Variants in SYNE1 observed in about 807,000 individuals in gnomAD.
SYNE1 encodes spectrin repeat containing nuclear envelope protein 1, also known as nesprin-1.
Under a neutral mutation model 1,111.0 loss-of-function variants are expected in SYNE1, and 616 were observed. The ratio of observed to expected loss-of-function variants is 0.55; its 90% CI spans 0.52 to 0.59. SYNE1 has a LOEUF of 0.59. SYNE1 is among the 20% of genes least tolerant of loss of function. The pLI, the probability that SYNE1 is intolerant of heterozygous loss-of-function variation, is 0.00. For missense variants in SYNE1, 10,006 were observed against 10,417.0 expected (o/e 0.96, Z 1.72); for synonymous variants, 3,855 against 3,825.8 (o/e 1.01, Z -0.28).
intron 56 of SYNE1, among the ~76,000 whole-genome samples, chr6:152,378,328 C>T (rs1429182545): frequency 6.6e-6 from 1 of 152,160 alleles, no homozygotes; most frequent in African/African-American, 2.4e-5. Flanking sequence ...AAAGAAACCA[C>T]ATCCCTCAAC....
chr6:152,586,005 C>G (rs975179028), intron 3 of SYNE1, among the ~76,000 whole-genome samples: 33 of 152,016 alleles, frequency 2.2e-4, no homozygotes, highest in African/African-American at 8.0e-4. Context: ...CTTCCCTATC[C>G]AAGAGTCTCC....
At position 152,257,855 on chromosome 6, in the gene SYNE1, C is replaced by A. The variant is rs148763569; in HGVS notation, c.18973-1090G>T. ...TAGCATAAAATACATCTAAATCATG[C>A]CAAAAAATTCCCTAAAATTAATAAA... On this transcript the variant is annotated intron_variant, in intron 101 of 145. Transcript: ENST00000367255. Among the ~76,000 whole-genome samples, 247 of 152,030 alleles carry A rather than the reference C, an allele frequency of 1.6e-3. 4 individuals carry two copies. The East Asian group carries it at 0.031, about 19-fold the overall frequency.
At chr6:152,317,725 T>C (rs2095767424) in intron 86 of SYNE1, among the ~76,000 whole-genome samples, 2 of 152,234 alleles carry the variant, frequency 1.3e-5, no homozygotes, top group Non-Finnish European at 2.9e-5. Context: ...TAAGCTGATA[T>C]ATATGTAGCT....
intron 51 of SYNE1, among the ~76,000 whole-genome samples, chr6:152,392,355 C>T (rs2154135662): frequency 6.6e-6 from 1 of 152,210 alleles, no homozygotes; most frequent in South Asian, 2.1e-4. Flanking sequence ...AGTTTGGAGC[C>T]ATGTTAATTA....
chr6:152,373,498 T>C lies in SYNE1; in HGVS notation c.9325-279A>G, dbSNP rs540339903. 3.5e-4 allele frequency among the ~76,000 whole-genome samples: 53 copies of C among 152,250 alleles called. 1 individual carries two copies. In the East Asian group the frequency reaches 8.3e-3, roughly 24 times the overall value. ...GGTTTCACCATGTTGGCCAGGATGG[T>C]CTTGATCTCCTGACCTTGTGATCTG... is the stretch of plus-strand genomic sequence containing the variant. On this transcript the variant is annotated intron_variant, in intron 58 of 145. Transcript: ENST00000367255.
At position 152,606,394 on chromosome 6, in the gene SYNE1, G is replaced by T. The variant is rs549370756; in HGVS notation, c.67+21871C>A. On this transcript the variant is annotated intron_variant, in intron 3 of 145. Transcript: ENST00000367255. Reference sequence around the variant, plus strand: ...CAAAATTCTTCAAGGGCAAAATTGTGGTTACAACTTGATCGTAACTTTACA... The same window carrying T: ...CAAAATTCTTCAAGGGCAAAATTGTTGTTACAACTTGATCGTAACTTTACA... Among the ~76,000 whole-genome samples the T allele has an allele frequency of 2.6e-5, 4 of 152,260 alleles. No individual in the cohort carries two copies. The South Asian group carries it at 8.3e-4, about 32-fold the overall frequency.
rs773536890 is a variant in SYNE1, at chr6:152,326,019, T to G, written c.15377A>C (p.Glu5126Ala). 2.2e-4 allele frequency: 358 copies of G among 1,614,056 alleles called. No individual in the cohort carries two copies. Among genetic ancestry groups the G allele is most frequent in the Non-Finnish European group, 2.9e-4 (340 of 1,180,034 alleles). Residue 5126 changes from glutamate (E) to alanine (A), a missense_variant, in exon 80 of 146, where the codon GAG becomes GCG. Coordinates refer to ENST00000367255, the MANE Select transcript of SYNE1 (RefSeq NM_182961.4). ...AGACGAAGTCTTCAACAAAGAAAAC[T>G]CAGACAATTTCTTTTCTGTATCATT... ...LMNDTEKKLS[E>A]FSLLKTSSSH... is the part of the protein sequence containing the mutation.
At chr6:152,472,607 A>G in intron 14 of SYNE1, 194 bp from the exon 15 acceptor site, 1 of 704,250 alleles carries the variant, frequency 1.4e-6, no homozygotes, top group Non-Finnish European at 2.6e-6. Context: ...TTAAAACACT[A>G]TGCTGGAACT....
At chr6:152,282,796 G>A (rs1371141484) in intron 96 of SYNE1, among the ~76,000 whole-genome samples, 3 of 151,948 alleles carry the variant, frequency 2.0e-5, no homozygotes, top group Non-Finnish European at 4.4e-5. Flanking sequence ...GTATTAGGTT[G>A]GTGCAGAAGT....
chr6:152,125,283 G>A, intron 145 of SYNE1: 1 of 1,550,386 alleles, frequency 6.5e-7, no homozygotes, highest in Non-Finnish European at 8.7e-7. Context: ...ACATGTAGAA[G>A]CAAAGAAGAG....
chr6:152,485,508 T>C (rs148411361), intron 12 of SYNE1, among the ~76,000 whole-genome samples: 4 of 152,230 alleles, frequency 2.6e-5, no homozygotes, highest in African/African-American at 7.2e-5. Context: ...TAGGGGACCA[T>C]GTTTACATGA....
At chr6:152,266,001 T>G (rs2092665262) in intron 100 of SYNE1, among the ~76,000 whole-genome samples, 1 of 152,124 alleles carries the variant, frequency 6.6e-6, no homozygotes, top group Non-Finnish European at 1.5e-5. Context: ...TAGATATCAT[T>G]AATTCATGGT....
chr6:152,489,510 C>A (rs1218546288), intron 11 of SYNE1, among the ~76,000 whole-genome samples: 1 of 136,366 alleles, frequency 7.3e-6, no homozygotes, highest in African/African-American at 2.8e-5. Flanking sequence ...ACAGGATGTA[C>A]TAAAGGGTGT....
intron 5 of SYNE1, among the ~76,000 whole-genome samples, chr6:152,520,961 A>G (rs2099135991): frequency 6.6e-6 from 1 of 152,152 alleles, no homozygotes; most frequent in Non-Finnish European, 1.5e-5. Flanking sequence ...CCCACAACTA[A>G]GTATGAAAGC....
chr6:152,297,781 CTGTG>C (rs377152081), intron 93 of SYNE1, among the ~76,000 whole-genome samples: 2,973 of 119,800 alleles, frequency 0.025, 41 homozygotes, highest in African/African-American at 0.033. Context: ...CAGTCTCACT[CTGTG>C]TGTGTGTGTG....
chr6:152,351,847 G>C (rs901887159), intron 70 of SYNE1, among the ~76,000 whole-genome samples, 180 bp downstream of exon 70: 2 of 152,164 alleles, frequency 1.3e-5, no homozygotes, highest in African/African-American at 2.4e-5. Context: ...ATAACTCTGA[G>C]GTAGTGGATT....
At chr6:152,362,053 A>G in intron 64 of SYNE1, 117 bp downstream of exon 64, 2 of 1,399,060 alleles carry the variant, frequency 1.4e-6, no homozygotes, top group Non-Finnish European at 2.0e-6. Context: ...TAAAAGCCCC[A>G]AACGTAATTT....
In SYNE1 at chr6:152,326,227, C is replaced by A. The variant is rs527669812; in HGVS notation, c.15293+69G>T. On this transcript the variant is annotated intron_variant, in intron 79 of 145. Transcript: ENST00000367255. Reference sequence around the variant, plus strand: ...AATTTACGTGCTAATGTATATCATTCGTGTATTACTACTTTCAGTGTGGAA... The same window carrying A: ...AATTTACGTGCTAATGTATATCATTAGTGTATTACTACTTTCAGTGTGGAA... The A allele has an allele frequency of 8.1e-6, 13 of 1,611,130 alleles. No homozygotes were observed. In the African/African-American group the frequency reaches 1.6e-4, roughly 20 times the overall value.
At chr6:152,482,497 A>T (rs572497164) in intron 14 of SYNE1, among the ~76,000 whole-genome samples, 1 of 152,340 alleles carries the variant, frequency 6.6e-6, no homozygotes, top group African/African-American at 2.4e-5. Flanking sequence ...CATTAATGTG[A>T]TGTTAATGAA....
Sources: allele counts gnomAD v4.1 joint callset (sites outside exome capture counted in the v4.1 genomes callset), GRCh38; gene constraint gnomAD v4.1.1; transcripts MANE v1.5; gene names NCBI Gene and HGNC (gene_info 2026-07-23, HGNC 2026-07-21).